KCNH3: variants seen among roughly 807,000 people sequenced by gnomAD.
The protein encoded by KCNH3 is voltage-gated inwardly rectifying potassium channel KCNH3.
Under a neutral mutation model 95.6 loss-of-function variants are expected in KCNH3, and 36 were observed. The observed-to-expected ratio is 0.38, with a 90% confidence interval of 0.29 to 0.50. The LOEUF is 0.50. Ranked by LOEUF, KCNH3 falls within the 20% of genes least tolerant of loss-of-function variation. KCNH3 has a pLI of 0.95. For missense variants in KCNH3, 1,030 were observed against 1,484.1 expected (o/e 0.69, Z 5.03); for synonymous variants, 620 against 646.3 (o/e 0.96, Z 0.62).
intron 9 of KCNH3, among the ~76,000 whole-genome samples, 173 bp downstream of exon 9, chr12:49,549,813 C>T (rs993781258): frequency 6.6e-6 from 1 of 152,196 alleles, no homozygotes; most frequent in East Asian, 1.9e-4. Flanking sequence ...GCTTGGAGGG[C>T]CCTCTGAACC....
intron 13 of KCNH3, 73 bp from the exon 14 acceptor site, chr12:49,557,110 C>A: frequency 7.0e-7 from 1 of 1,423,768 alleles, no homozygotes; most frequent in Non-Finnish European, 9.9e-7. Flanking sequence ...CTAACTGGGG[C>A]AAGGCCTAGA....
rs779014264 is a variant in KCNH3, at chr12:49,541,735, G to T, written c.416G>T (p.Arg139Leu). Residue 139 changes from arginine (R) to leucine (L), a missense_variant, in exon 3 of 15, where the codon CGA becomes CTA. Physicochemically the swap from Arg to Leu is moderately radical, Grantham distance 102 (BLOSUM62 -2). Transcript: ENST00000257981. ...AAGGACATCAGCGAAACCAAGAACC[G>T]AGGGGGCCCCGACAGATGGAAGGAG... is the stretch of plus-strand genomic sequence containing the variant. Reference protein sequence around the residue: ...SHKDISETKNRGGPDRWKETG... With the variant: ...SHKDISETKNLGGPDRWKETG... 8.1e-6 allele frequency: 13 copies of T among 1,614,184 alleles called. No individual in the cohort carries two copies. In the South Asian group the frequency reaches 1.4e-4, roughly 18 times the overall value.
intron 7 of KCNH3, 124 bp downstream of exon 7, chr12:49,544,506 A>C (rs749937672): frequency 9.5e-6 from 9 of 950,664 alleles, no homozygotes; most frequent in African/African-American, 1.6e-5. Context: ...AAATCAGAGA[A>C]GAGGGTGTGC....
At chr12:49,553,223 C>T (rs1347639002) in intron 10 of KCNH3, among the ~76,000 whole-genome samples, 1 of 151,276 alleles carries the variant, frequency 6.6e-6, no homozygotes, top group Non-Finnish European at 1.5e-5. Context: ...GCAGCCTCGA[C>T]CTACTGGGCT....
chr12:49,556,224 G>C, intron 12 of KCNH3, 146 bp from the exon 13 acceptor site: 1 of 678,596 alleles, frequency 1.5e-6, no homozygotes, highest in Non-Finnish European at 2.6e-6. Context: ...CTAGGGGAAG[G>C]GACCCCATGT....
rs1331853554 is a variant in KCNH3, at chr12:49,539,583, G to C, written c.76+91G>C. 3.4e-6 allele frequency: 4 copies of C among 1,169,772 alleles called. No homozygotes were observed. Among genetic ancestry groups the C allele is most frequent in the Non-Finnish European group, 4.8e-6 (4 of 825,618 alleles). The allele number at this position is 1,169,772 out of a possible 1,614,324, so 72.5% of individuals were successfully genotyped here. A position where few individuals can be genotyped will look rare whatever the true frequency, so the allele number is the denominator to read the frequency against. ...CGAACCCCCAGCAGCCCAGCTTGGC[G>C]CCAGCCTATTCTCACCCTCTCCTCC... is the stretch of plus-strand genomic sequence containing the variant. On this transcript the variant is annotated intron_variant, in intron 1 of 14. Transcript: ENST00000257981. This position sits in a 1 kb window ranked among gnomAD's most constrained non-coding sequence, Gnocchi z 6.7.
At chr12:49,541,276 CCT>C in intron 2 of KCNH3, 144 bp downstream of exon 2, 1 of 694,990 alleles carries the variant, frequency 1.4e-6, no homozygotes, top group Non-Finnish European at 2.4e-6. Context: ...CCATCCAACC[CCT>C]CTTGCTCCAT....
In KCNH3 at chr12:49,556,017, A is replaced by T; in HGVS notation, c.2468+66A>T. 9 of 775,098 alleles carry T rather than the reference A, an allele frequency of 1.2e-5. No individual in the cohort carries two copies. The South Asian group carries it at 1.6e-4, about 13-fold the overall frequency. 48.0% of individuals were successfully genotyped at this position (775,098 alleles called of 1,614,324 possible). On this transcript the variant is annotated intron_variant, in intron 12 of 14. Coordinates refer to ENST00000257981, the MANE Select transcript of KCNH3 (RefSeq NM_012284.3). ...TGAGGCTGAGGCCCTGGGCAGGCGC[A>T]CCCTGCCCTAGGTGCCCATCTAACC...
intron 3 of KCNH3, 77 bp downstream of exon 3, chr12:49,541,841 A>C: frequency 6.5e-7 from 1 of 1,531,752 alleles, no homozygotes; most frequent in Admixed American, 1.9e-5. Flanking sequence ...CAGTCTGAGT[A>C]CGGGGGTCCC....
chr12:49,547,620 A>C (rs1245591993), intron 7 of KCNH3, among the ~76,000 whole-genome samples: 2 of 152,170 alleles, frequency 1.3e-5, no homozygotes, highest in Non-Finnish European at 2.9e-5. Flanking sequence ...TGGGGCCCCC[A>C]GCTCCTGGCA....
intron 10 of KCNH3, 48 bp downstream of exon 10, chr12:49,550,377 C>G (rs1286475866): frequency 1.3e-6 from 2 of 1,558,628 alleles, no homozygotes; most frequent in African/African-American, 2.7e-5. Flanking sequence ...TGTGTGAGAC[C>G]ATGGCCCTGA....
chr12:49,549,365 G>A (rs1310926373), intron 8 of KCNH3, 76 bp from the exon 9 acceptor site: 5 of 1,549,994 alleles, frequency 3.2e-6, no homozygotes, highest in East Asian at 2.3e-5. Context: ...CGTGCGGGCC[G>A]AGGACAGATG....
Position 49,544,185 on chromosome 12 carries a change from C to T in KCNH3, c.992C>T (p.Ala331Val). 4.4e-6 allele frequency: 4 copies of T among 912,410 alleles called. No homozygotes were observed. The highest frequency in any genetic ancestry group is 4.8e-6 in the Non-Finnish European group (3 of 623,836). 56.5% of individuals were successfully genotyped at this position (912,410 alleles called of 1,614,324 possible). A position where few individuals can be genotyped will look rare whatever the true frequency, so the allele number is the denominator to read the frequency against. The change falls in exon 7 of 15, where the codon GCC becomes GTC. Residue 331 changes from alanine to valine, a missense_variant. Around this residue, in one of 9 missense-constraint regions of KCNH3, gnomAD observed 153 missense variants for 288.5 expected, o/e 0.53. Coordinates refer to ENST00000257981, the MANE Select transcript of KCNH3 (RefSeq NM_012284.3). Reference sequence around the variant, plus strand: ...CTCCCCGCATCTCAGTACTTCGGGGCCCATCTGCTGAAGACGGTGCGCCTG... The same window carrying T: ...CTCCCCGCATCTCAGTACTTCGGGGTCCATCTGCTGAAGACGGTGCGCCTG... ...HAFKVNVYFGAHLLKTVRLLR... is the reference protein window; with the variant it reads ...HAFKVNVYFGVHLLKTVRLLR...
chr12:49,541,261 TC>T, intron 2 of KCNH3, 129 bp downstream of exon 2: 1 of 736,068 alleles, frequency 1.4e-6, no homozygotes, highest in Non-Finnish European at 2.3e-6. Flanking sequence ...CATCTTCCCA[TC>T]CCCCCATCCA....
At position 49,539,768 on chromosome 12, in the gene KCNH3, C is replaced by T. The variant is rs981119624; in HGVS notation, c.76+276C>T. On this transcript the variant is annotated intron_variant, in intron 1 of 14. Transcript: ENST00000257981. This position sits in a 1 kb window ranked among gnomAD's most constrained non-coding sequence, Gnocchi z 6.7. ...GCTCTCTGTTAGCCGGGTCTCGAACCCGAACCTAGTCAGTCTGACCCATCC... is the reference window on the plus strand; with the variant it reads ...GCTCTCTGTTAGCCGGGTCTCGAACTCGAACCTAGTCAGTCTGACCCATCC... Among the ~76,000 whole-genome samples the T allele has an allele frequency of 1.3e-5, 2 of 152,174 alleles. No individual in the cohort carries two copies. Among genetic ancestry groups the T allele is most frequent in the Admixed American group, 6.5e-5 (1 of 15,274 alleles).
At chr12:49,542,163 T>G (rs1937893221) in intron 3 of KCNH3, among the ~76,000 whole-genome samples, 1 of 152,178 alleles carries the variant, frequency 6.6e-6, no homozygotes, top group Admixed American at 6.5e-5. Flanking sequence ...TTTCCCCTCT[T>G]GTGTCCTCCA....
chr12:49,555,561 G>A, intron 11 of KCNH3, 59 bp from the exon 12 acceptor site: 2 of 1,095,646 alleles, frequency 1.8e-6, no homozygotes, highest in Non-Finnish European at 2.6e-6. Flanking sequence ...TGGTAGGGGA[G>A]GTGAGTGGGA....
chr12:49,543,604 T>C, intron 5 of KCNH3, 86 bp downstream of exon 5: 6 of 1,508,778 alleles, frequency 4.0e-6, no homozygotes, highest in Non-Finnish European at 5.3e-6. Context: ...TCCAGGGTGC[T>C]ACAGTGCCCC....
intron 7 of KCNH3, among the ~76,000 whole-genome samples, chr12:49,546,905 A>T (rs1565777014): frequency 6.6e-6 from 1 of 151,832 alleles, no homozygotes; most frequent in African/African-American, 2.4e-5. Context: ...ATTTTATTTT[A>T]TTTTTTCTGG....
Sources: gnomAD v4.1 joint callset for allele counts (sites outside exome capture counted in the v4.1 genomes callset) on GRCh38, gnomAD v4.1.1 for gene constraint, gnomAD v4.1.1 regional missense constraint, Gnocchi (gnomAD v3.1) non-coding constraint, MANE v1.5 for transcripts, NCBI Gene and HGNC (gene_info 2026-07-23, HGNC 2026-07-21) for gene names.